NXPH1: variants seen among roughly 807,000 people sequenced by gnomAD.
NXPH1 encodes neurexophilin 1, also known as neurexophilin-1.
Under a neutral mutation model 23.7 loss-of-function variants are expected in NXPH1, and 5 were observed. That is an observed-to-expected ratio of 0.21 (90% CI 0.11 to 0.44). NXPH1 has a LOEUF of 0.44. Among genes scored for constraint, NXPH1 ranks in the 20% least tolerant of loss-of-function variants. The pLI is 0.99. For synonymous variants in NXPH1, 144 were observed against 122.2 expected, an observed-to-expected ratio of 1.18 and a Z score of -1.18; for missense variants, 324 against 321.6, an observed-to-expected ratio of 1.01 and a Z score of -0.06.
At chr7:8,714,542 C>T (rs1338587184) in intron 2 of NXPH1, among the ~76,000 whole-genome samples, 1 of 151,792 alleles carries the variant, frequency 6.6e-6, no homozygotes, top group African/African-American at 2.4e-5. Context: ...TGTTAATGTG[C>T]TGGGTCACAC....
intron 2 of NXPH1, among the ~76,000 whole-genome samples, chr7:8,483,547 G>A (rs113391428): frequency 0.057 from 8,660 of 151,990 alleles, 798 homozygotes; most frequent in African/African-American, 0.2. Flanking sequence ...GGGCTCAAGC[G>A]ATCTACCCAG....
At chr7:8,589,955 C>G (rs887067786) in intron 2 of NXPH1, among the ~76,000 whole-genome samples, 2 of 152,034 alleles carry the variant, frequency 1.3e-5, no homozygotes, top group African/African-American at 4.8e-5. Flanking sequence ...TTTCAAGTGC[C>G]CAATAACCAC....
chr7:8,487,781 G>A (rs754186755), intron 2 of NXPH1, among the ~76,000 whole-genome samples: 13 of 152,240 alleles, frequency 8.5e-5, no homozygotes, highest in Non-Finnish European at 1.5e-4. Context: ...GAGTGAGACC[G>A]TGGGACATGA....
At chr7:8,669,048 G>T (rs951331089) in intron 2 of NXPH1, among the ~76,000 whole-genome samples, 5 of 152,164 alleles carry the variant, frequency 3.3e-5, no homozygotes, top group African/African-American at 1.2e-4. Context: ...CTGGAATTTG[G>T]GTCCACAGGG....
intron 2 of NXPH1, among the ~76,000 whole-genome samples, chr7:8,502,111 C>T (rs968540330): frequency 7.9e-5 from 12 of 151,920 alleles, no homozygotes; most frequent in African/African-American, 2.2e-4. Context: ...TCTGTGGAAC[C>T]GTGTGTAAGT....
chr7:8,444,882 A>T (rs779521435), intron 2 of NXPH1, among the ~76,000 whole-genome samples: 4 of 152,394 alleles, frequency 2.6e-5, no homozygotes, highest in African/African-American at 9.6e-5. Context: ...AAGTAATACT[A>T]TCTGTCCTCT....
intron 2 of NXPH1, among the ~76,000 whole-genome samples, chr7:8,667,847 A>T (rs919512041): frequency 6.6e-6 from 1 of 151,820 alleles, no homozygotes; most frequent in African/African-American, 2.4e-5. Flanking sequence ...CTGTCCCATA[A>T]ATCCCATGTT....
intron 2 of NXPH1, among the ~76,000 whole-genome samples, chr7:8,731,442 C>G (rs1215807457): frequency 6.6e-6 from 1 of 152,162 alleles, no homozygotes; most frequent in East Asian, 1.9e-4. Flanking sequence ...TCCAGTTTTT[C>G]TGCTCTGTTT....
chr7:8,541,431 T>C (rs1818115567), intron 2 of NXPH1, among the ~76,000 whole-genome samples: 1 of 151,602 alleles, frequency 6.6e-6, no homozygotes, highest in Admixed American at 6.6e-5. Context: ...GAAGAAATGA[T>C]GCTTAAAATT....
intron 2 of NXPH1, among the ~76,000 whole-genome samples, chr7:8,712,820 T>G (rs1779817510): frequency 6.6e-6 from 1 of 152,194 alleles, no homozygotes; most frequent in Non-Finnish European, 1.5e-5. Context: ...CTTATTTATC[T>G]CTTTCCTCTT....
intron 2 of NXPH1, among the ~76,000 whole-genome samples, chr7:8,686,374 AT>A (rs1011868494): frequency 3.9e-5 from 6 of 152,150 alleles, no homozygotes; most frequent in Non-Finnish European, 7.4e-5. Context: ...TTTAAATTAG[AT>A]TTGTACTCTT....
At chr7:8,508,286 T>C (rs1817562415) in intron 2 of NXPH1, among the ~76,000 whole-genome samples, 1 of 152,148 alleles carries the variant, frequency 6.6e-6, no homozygotes, top group African/African-American at 2.4e-5. Flanking sequence ...TAACAAACTT[T>C]GATTGATTGT....
chr7:8,662,209 CACACAT>C (rs1820689197), intron 2 of NXPH1, among the ~76,000 whole-genome samples: 1 of 138,436 alleles, frequency 7.2e-6, no homozygotes, highest in African/African-American at 2.6e-5. Flanking sequence ...TATATATACA[CACACAT>C]GTATCTCAAG....
intron 2 of NXPH1, among the ~76,000 whole-genome samples, chr7:8,741,184 C>CT (rs1780354249): frequency 6.6e-6 from 1 of 152,124 alleles, no homozygotes; most frequent in Non-Finnish European, 1.5e-5. Flanking sequence ...GCACAATGTC[C>CT]TGTAGGTTCA....
chr7:8,738,012 T>C, intron 2 of NXPH1, among the ~76,000 whole-genome samples: 1 of 152,352 alleles, frequency 6.6e-6, no homozygotes, highest in East Asian at 1.9e-4. Context: ...TCTAAATTGG[T>C]TAATCTAGTT....
chr7:8,561,176 C>T (rs560257987), intron 2 of NXPH1, among the ~76,000 whole-genome samples: 2 of 151,556 alleles, frequency 1.3e-5, no homozygotes, highest in Non-Finnish European at 3.0e-5. Flanking sequence ...CTCAATGCTT[C>T]CTTGTGCTTT....
chr7:8,564,464 A>G (rs1232742303), intron 2 of NXPH1, among the ~76,000 whole-genome samples: 1 of 151,586 alleles, frequency 6.6e-6, no homozygotes, highest in African/African-American at 2.4e-5. Context: ...TGTTGATTGT[A>G]GGTTGTGGGT....
At chr7:8,679,368 T>C (rs1034473198) in intron 2 of NXPH1, among the ~76,000 whole-genome samples, 1 of 152,164 alleles carries the variant, frequency 6.6e-6, no homozygotes, top group Admixed American at 6.5e-5. Flanking sequence ...TTTCAAGGAA[T>C]TGGGGTGCCG....
In NXPH1 at chr7:8,691,144, A is replaced by G. The variant is rs562817356; in HGVS notation, c.55-59864A>G. On this transcript the variant is annotated intron_variant, in intron 2 of 2. Coordinates refer to ENST00000405863, the MANE Select transcript of NXPH1 (RefSeq NM_152745.3). The stretch of plus-strand genomic sequence containing the variant: ...AATGAGTTCTTTTTAGAACTTCTTT[A>G]TTTTATTTTATTTTTTTTGAGATGG... Among the ~76,000 whole-genome samples, 87 of 151,932 alleles carry G rather than the reference A, an allele frequency of 5.7e-4. 2 individuals carry two copies. The South Asian group carries it at 0.017, about 30-fold the overall frequency.
Sources: gnomAD v4.1 joint callset for allele counts (sites outside exome capture counted in the v4.1 genomes callset) on GRCh38, gnomAD v4.1.1 for gene constraint, MANE v1.5 for transcripts, NCBI Gene and HGNC (gene_info 2026-07-23, HGNC 2026-07-21) for gene names.